Variants in RPS4X observed in about 807,000 individuals in gnomAD.
RPS4X encodes the protein ribosomal protein S4 X-linked.
For missense variants in RPS4X, 90 were observed against 219.1 expected, an observed-to-expected ratio of 0.41 and a Z score of 3.72; for synonymous variants, 76 against 76.8, an observed-to-expected ratio of 0.99 and a Z score of 0.06.
At chrX:72,274,063 G>T in intron 4 of RPS4X, 91 bp from the exon 5 acceptor site, 2 of 774,501 alleles carry the variant, frequency 2.6e-6, no homozygotes, top group South Asian at 2.3e-5. Flanking sequence ...AACTGCTGCA[G>T]ATTAATTGTG....
intron 4 of RPS4X, chrX:72,274,274 T>C (rs1237895110): frequency 1.4e-5 from 5 of 347,196 alleles, no homozygotes; most frequent in Non-Finnish European, 2.7e-5. Context: ...ACATCACGAC[T>C]GAGTTTTGTC....
Position 72,276,306 on chromosome X carries a change from C to T in RPS4X, c.4-72G>A, listed in dbSNP as rs1004051365. 4 of 799,682 alleles carry T rather than the reference C, an allele frequency of 5.0e-6. No homozygotes were observed. The African/African-American group carries it at 6.3e-5, about 13-fold the overall frequency. 65.9% of individuals were successfully genotyped at this position (799,682 alleles called of 1,213,427 possible). A position where few individuals can be genotyped will look rare whatever the true frequency, so the allele number is the denominator to read the frequency against. On this transcript the variant is annotated intron_variant, in intron 1 of 6. Coordinates refer to ENST00000316084, the MANE Select transcript of RPS4X (RefSeq NM_001007.5). The stretch of plus-strand genomic sequence containing the variant: ...TTATAAAACCTAGTGTGAAACTAAA[C>T]TCTTAGTTTAGTTTCATCTTCAGCA...
At chrX:72,277,141 G>C (rs906003281) in intron 1 of RPS4X, 52 bp downstream of exon 1, 13 of 1,202,698 alleles carry the variant, frequency 1.1e-5, no homozygotes, top group Non-Finnish European at 1.2e-5. Flanking sequence ...GCCCCGGCCG[G>C]GGGAGGATGG....
Position 72,275,579 on chromosome X carries a change from A to G in RPS4X, c.227T>C (p.Val76Ala). 8.3e-7 allele frequency: 1 copy of G among 1,210,712 alleles called. No individual in the cohort carries two copies. The highest frequency in any genetic ancestry group is 1.7e-5 in the African/African-American group (1 of 57,561). Residue 76 changes from valine to alanine, a missense_variant, in exon 3 of 7, where the codon GTC (valine) becomes GCC (alanine). Coordinates refer to ENST00000316084, the MANE Select transcript of RPS4X (RefSeq NM_001007.5). ...MQRFIKIDGK[V>A]RTDITYPAGF... ...AGCAGGGTAGGTTATATCAGTTCGG[A>G]CCTTGCCATCGATTTTAATGAACCG...
In RPS4X at chrX:72,272,163, C is replaced by T. The variant is rs756660698; in HGVS notation, c.*508G>A. ...TCCAAGGAACTGCAATGCTTTGCAACATCAACAGCCCATTTATGACCACCT... is the reference window on the plus strand; with the variant it reads ...TCCAAGGAACTGCAATGCTTTGCAATATCAACAGCCCATTTATGACCACCT... On this transcript the variant is annotated 3_prime_UTR_variant, in exon 7 of 7. Coordinates refer to ENST00000316084, the MANE Select transcript of RPS4X (RefSeq NM_001007.5). 8.8e-6 allele frequency: 1 copy of T among 113,163 alleles called. No homozygotes were observed. Among genetic ancestry groups the T allele is most frequent in the South Asian group, 3.7e-4 (1 of 2,731 alleles). The allele number at this position is 113,163 out of a possible 1,213,427, so 9.3% of individuals were successfully genotyped here.
intron 5 of RPS4X, 150 bp from the exon 6 acceptor site, chrX:72,273,539 G>A (rs148979950): frequency 2.7e-5 from 18 of 657,585 alleles, no homozygotes; most frequent in Non-Finnish European, 3.8e-5. Flanking sequence ...CGGGACTCTC[G>A]TAAGAAATTT....
chrX:72,275,541 T>TC lies in RPS4X; in HGVS notation c.262+2_262+3insG. On this transcript the variant is annotated splice_region_variant and intron_variant, in intron 3 of 6. Transcript: ENST00000316084. ...CGTCTCCAGAGTATTTAAAACTTCT[T>TC]ACCCATGAATCCAGCAGGGTAGGTT... The TC allele has an allele frequency of 2.0e-6, 2 of 1,001,606 alleles. No individual in the cohort carries two copies. The highest frequency in any genetic ancestry group is 2.8e-6 in the Non-Finnish European group (2 of 726,463). The allele number at this position is 1,001,606 out of a possible 1,213,427, so 82.5% of individuals were successfully genotyped here. A position where few individuals can be genotyped will look rare whatever the true frequency, so the allele number is the denominator to read the frequency against.
chrX:72,276,012 G>T lies in RPS4X; in HGVS notation c.81+145C>A. 3 of 512,666 alleles carry T rather than the reference G, an allele frequency of 5.9e-6. No individual in the cohort carries two copies. In the South Asian group the frequency reaches 8.5e-5, roughly 14 times the overall value. The allele number at this position is 512,666 out of a possible 1,213,427, so 42.2% of individuals were successfully genotyped here. On this transcript the variant is annotated intron_variant, in intron 2 of 6. Transcript: ENST00000316084. Reference sequence around the variant, plus strand: ...AGGCACAAAAATATTAAATCGATTGGAAGTGGAGGACAGCTAGATAGTATA... The same window carrying T: ...AGGCACAAAAATATTAAATCGATTGTAAGTGGAGGACAGCTAGATAGTATA...
chrX:72,274,984 T>C (rs769768843), intron 4 of RPS4X, 69 bp downstream of exon 4: 2 of 661,975 alleles, frequency 3.0e-6, no homozygotes, highest in Admixed American at 4.9e-5. Context: ...GCAGCACTCG[T>C]ACTCAATGCA....
At chrX:72,272,976 C>T (rs983505645) in intron 6 of RPS4X, among the ~76,000 whole-genome samples, 2 of 112,015 alleles carry the variant, frequency 1.8e-5, no homozygotes, top group Admixed American at 1.9e-4. Flanking sequence ...ATGAAACTCA[C>T]CGTATGCCCT....
At chrX:72,276,907 A>G (rs907607898) in intron 1 of RPS4X, among the ~76,000 whole-genome samples, 7 of 112,531 alleles carry the variant, frequency 6.2e-5, no homozygotes, top group Non-Finnish European at 9.4e-5. Flanking sequence ...CTCCTGGCCC[A>G]GCCGCGGCTC....
intron 3 of RPS4X, 107 bp from the exon 4 acceptor site, chrX:72,275,257 C>G: frequency 4.0e-6 from 2 of 505,899 alleles, no homozygotes; most frequent in Non-Finnish European, 6.7e-6. Flanking sequence ...ATGTGCCTCC[C>G]AGTTCTAATC....
At chrX:72,273,780 G>A (rs765313575) in intron 5 of RPS4X, 21 bp downstream of exon 5, 10 of 1,195,678 alleles carry the variant, frequency 8.4e-6, no homozygotes, top group Middle Eastern at 2.3e-4. Context: ...AGGGTGCCCA[G>A]GTAGCACAGA....
Position 72,272,565 on chromosome X carries a change from A to AACTG in RPS4X, c.*102_*105dup. On this transcript the variant is annotated 3_prime_UTR_variant, in exon 7 of 7. Transcript: ENST00000316084. Reference sequence around the variant, plus strand: ...CATGTTATACAGTAAAATAGCAGGAAACTGAATTAAAAAAAAAAACAACCC... The same window carrying AACTG: ...CATGTTATACAGTAAAATAGCAGGAAACTGACTGAATTAAAAAAAAAAACAACCC... The AACTG allele has an allele frequency of 2.0e-6, 1 of 501,617 alleles. No individual in the cohort carries two copies. Among genetic ancestry groups the AACTG allele is most frequent in the East Asian group, 3.6e-5 (1 of 27,890 alleles). The allele number at this position is 501,617 out of a possible 1,213,427, so 41.3% of individuals were successfully genotyped here.
At chrX:72,276,816 G>A (rs1308234128) in intron 1 of RPS4X, among the ~76,000 whole-genome samples, 1 of 112,605 alleles carries the variant, frequency 8.9e-6, no homozygotes, top group East Asian at 2.8e-4. Flanking sequence ...AAGTCAGGCC[G>A]TGCCAAAAAG....
chrX:72,273,983 A>G lies in RPS4X; in HGVS notation c.361-11T>C. ...TTTGCACAACTTGTACTAGAAAAAT[A>G]CAAGGGTTAGCCACATTCAATCCAT... On this transcript the variant is annotated splice_polypyrimidine_tract_variant and intron_variant, in intron 4 of 6. Transcript: ENST00000316084. 8.3e-7 allele frequency: 1 copy of G among 1,206,770 alleles called. No homozygotes were observed. Among genetic ancestry groups the G allele is most frequent in the Non-Finnish European group, 1.1e-6 (1 of 891,063 alleles).
chrX:72,274,024 T>A (rs749763951), intron 4 of RPS4X, 52 bp from the exon 5 acceptor site: 2 of 1,101,944 alleles, frequency 1.8e-6, no homozygotes, highest in South Asian at 3.8e-5. Context: ...ATGTACTTTT[T>A]AACCCTATAC....
At chrX:72,273,757 C>T (rs1398263930) in intron 5 of RPS4X, 44 bp downstream of exon 5, 1 of 1,113,364 alleles carries the variant, frequency 9.0e-7, no homozygotes. Context: ...TCATAATGAT[C>T]TAGGCCTTAA....
At chrX:72,273,442 C>A in intron 5 of RPS4X, 53 bp from the exon 6 acceptor site, 1 of 1,068,857 alleles carries the variant, frequency 9.4e-7, no homozygotes, top group Non-Finnish European at 1.3e-6. Context: ...TGACAAGCAG[C>A]TCAGAGATGG....
Sources: allele counts gnomAD v4.1 joint callset (sites outside exome capture counted in the v4.1 genomes callset), GRCh38; gene constraint gnomAD v4.1.1; transcripts MANE v1.5; gene names NCBI Gene and HGNC (gene_info 2026-07-23, HGNC 2026-07-21).